Variants in CFAP61 observed in about 807,000 individuals in gnomAD.
The protein encoded by CFAP61 is cilia and flagella associated protein 61.
A neutral mutation model predicts 135.6 loss-of-function variants in CFAP61; 107 were observed. The observed-to-expected ratio is 0.79, with a 90% confidence interval of 0.67 to 0.93. The LOEUF (loss-of-function observed/expected upper bound fraction) is 0.93. Ranked by LOEUF, CFAP61 falls within the 40% of genes least tolerant of loss-of-function variation. CFAP61 has a pLI of 0.00. For missense variants in CFAP61, 1,507 were observed against 1,556.2 expected, an observed-to-expected ratio of 0.97 and a Z score of 0.53; for synonymous variants, 575 against 578.5, an observed-to-expected ratio of 0.99 and a Z score of 0.09.
intron 18 of CFAP61, among the ~76,000 whole-genome samples, chr20:20,239,504 T>C (rs1229114279): frequency 6.6e-6 from 1 of 152,166 alleles, no homozygotes; most frequent in Non-Finnish European, 1.5e-5. Context: ...AGTTTGGTAA[T>C]AAAAACACTT....
chr20:20,322,957 G>C (rs2057589264), intron 25 of CFAP61: 1 of 985,332 alleles, frequency 1.0e-6, no homozygotes, highest in Non-Finnish European at 1.2e-6. Flanking sequence ...TTCCAGGGTT[G>C]AGACTGTTAA....
At chr20:20,138,939 CTA>C (rs777742515) in intron 8 of CFAP61, among the ~76,000 whole-genome samples, 9 of 152,114 alleles carry the variant, frequency 5.9e-5, no homozygotes, top group Non-Finnish European at 1.0e-4. Context: ...GTTTTAATAA[CTA>C]TGTCTTTATA....
intron 6 of CFAP61, chr20:20,085,289 C>T: frequency 1.0e-6 from 1 of 985,420 alleles, no homozygotes; most frequent in Non-Finnish European, 1.2e-6. Context: ...TTTTCCATAG[C>T]TGGGGTGTTT....
chr20:20,277,535 T>C (rs2053865758), intron 22 of CFAP61, 77 bp downstream of exon 22: 1 of 1,443,348 alleles, frequency 6.9e-7, no homozygotes, highest in African/African-American at 1.4e-5. Flanking sequence ...GTCTGGAAGA[T>C]TGCGGGCAGT....
At chr20:20,200,039 G>A in intron 17 of CFAP61, 137 bp downstream of exon 17, 1 of 1,050,390 alleles carries the variant, frequency 9.5e-7, no homozygotes, top group Non-Finnish European at 1.4e-6. Flanking sequence ...CTTACAGGCG[G>A]AGCCCCGCGA....
At chr20:20,239,351 GTGA>G (rs2049844850) in intron 18 of CFAP61, among the ~76,000 whole-genome samples, 1 of 152,152 alleles carries the variant, frequency 6.6e-6, no homozygotes. Context: ...GAAAATGCTG[GTGA>G]TATTTTCATA....
At chr20:20,263,614 G>A (rs1253096759) in intron 21 of CFAP61, among the ~76,000 whole-genome samples, 1 of 152,068 alleles carries the variant, frequency 6.6e-6, no homozygotes, top group Non-Finnish European at 1.5e-5. Flanking sequence ...CGAGTTGCAT[G>A]CCACTTTTTA....
intron 18 of CFAP61, among the ~76,000 whole-genome samples, chr20:20,233,302 C>T (rs2049302047): frequency 6.6e-6 from 1 of 152,238 alleles, no homozygotes; most frequent in Non-Finnish European, 1.5e-5. Context: ...CCTTGCTGAT[C>T]TCAGAGCTCA....
At position 20,198,139 on chromosome 20, in the gene CFAP61, T is replaced by G. The variant is rs1380181769; in HGVS notation, c.1797+1363T>G. Among the ~76,000 whole-genome samples the G allele has an allele frequency of 3.9e-5, 6 of 152,142 alleles. No individual in the cohort carries two copies. The East Asian group carries it at 1.2e-3, about 29-fold the overall frequency. ...TGCTCTAGTTTTTTTTAGTTTTTGT[T>G]TTTTCCTGTCAAAATGCAGCACCAT... is the stretch of plus-strand genomic sequence containing the variant. On this transcript the variant is annotated intron_variant, in intron 16 of 26. Coordinates refer to ENST00000245957, the MANE Select transcript of CFAP61 (RefSeq NM_015585.4).
intron 17 of CFAP61, among the ~76,000 whole-genome samples, chr20:20,217,174 A>C (rs2048095066): frequency 6.6e-6 from 1 of 152,242 alleles, no homozygotes; most frequent in African/African-American, 2.4e-5. Flanking sequence ...TTTCAAAACA[A>C]TCATTGTGCA....
At chr20:20,144,390 A>G (rs1005185312) in intron 9 of CFAP61, among the ~76,000 whole-genome samples, 13 of 140,506 alleles carry the variant, frequency 9.3e-5, no homozygotes, top group Admixed American at 8.8e-4. Flanking sequence ...GCCCCAAATC[A>G]AACTTCTAGA....
intron 13 of CFAP61, among the ~76,000 whole-genome samples, chr20:20,178,264 T>C (rs1477323274): frequency 6.6e-6 from 1 of 152,222 alleles, no homozygotes; most frequent in Non-Finnish European, 1.5e-5. Flanking sequence ...GCACTTTAAT[T>C]GTGGATAAAT....
chr20:20,342,409 G>A (rs567920278), intron 26 of CFAP61, among the ~76,000 whole-genome samples: 4 of 152,356 alleles, frequency 2.6e-5, no homozygotes, highest in South Asian at 4.1e-4. Context: ...ATTAGGCTGC[G>A]TAGCCCAAGG....
intron 20 of CFAP61, among the ~76,000 whole-genome samples, chr20:20,256,046 A>T (rs1342723712): frequency 6.6e-6 from 1 of 152,164 alleles, no homozygotes; most frequent in East Asian, 1.9e-4. Flanking sequence ...TCTGCCTCCC[A>T]GGCCCCACTG....
chr20:20,272,007 T>A (rs1342770173), intron 21 of CFAP61, among the ~76,000 whole-genome samples: 1 of 152,236 alleles, frequency 6.6e-6, no homozygotes, highest in East Asian at 1.9e-4. Flanking sequence ...TGAAGGAAGG[T>A]TCCATGAGTT....
At chr20:20,109,378 A>T (rs2048636155) in intron 8 of CFAP61, among the ~76,000 whole-genome samples, 1 of 152,064 alleles carries the variant, frequency 6.6e-6, no homozygotes. Context: ...TTGGGGTTTC[A>T]TCTTTGCACC....
intron 6 of CFAP61, among the ~76,000 whole-genome samples, chr20:20,081,316 G>T (rs1019226733): frequency 6.6e-6 from 1 of 152,098 alleles, no homozygotes; most frequent in Admixed American, 6.5e-5. Flanking sequence ...TACCCGATTT[G>T]TATCTTGGGA....
rs1354166476 is a variant in CFAP61 at position 20,164,076 on chromosome 20, C to T, written c.1053C>T (p.Ser351=). 3 of 1,611,932 alleles carry T rather than the reference C, an allele frequency of 1.9e-6. No individual in the cohort carries two copies. Among genetic ancestry groups the T allele is most frequent in the Non-Finnish European group, 2.5e-6 (3 of 1,178,994 alleles). The change falls in exon 11 of 27, where the codon TCC becomes TCT. Residue 351 remains serine (S), a synonymous_variant. Transcript: ENST00000245957. The part of the protein sequence containing the change: ...PEDIEKLSDI[S]TGYAQYHHVS... ...ACATAGAAAAACTCAGTGACATCTC[C>T]ACTGGATATGCACAGTATCACCATG...
Position 20,306,848 on chromosome 20 carries a change from C to A in CFAP61, c.3422+8462C>A, listed in dbSNP as rs2056505220. On this transcript the variant is annotated intron_variant, in intron 25 of 26. Transcript: ENST00000245957. ...ATCACATATTAATACTAAGGGGAGA[C>A]AATTTCAGCACAGGGATGGCCCTGC... 2.0e-5 allele frequency among the ~76,000 whole-genome samples: 3 copies of A among 152,140 alleles called. No individual in the cohort carries two copies. The South Asian group carries it at 6.2e-4, about 32-fold the overall frequency.
Sources: allele counts gnomAD v4.1 joint callset (sites outside exome capture counted in the v4.1 genomes callset), GRCh38; gene constraint gnomAD v4.1.1; transcripts MANE v1.5; gene names NCBI Gene and HGNC (gene_info 2026-07-23, HGNC 2026-07-21).